CNTN4: variants seen among roughly 807,000 people sequenced by gnomAD.
CNTN4 encodes contactin-4.
Under a neutral mutation model 122.5 loss-of-function variants are expected in CNTN4, and 77 were observed. The observed-to-expected ratio is 0.63, with a 90% CI of 0.52 to 0.76. The LOEUF (loss-of-function observed/expected upper bound fraction) is 0.76. CNTN4 is among the 30% of genes least tolerant of loss of function. The pLI, the probability that CNTN4 is intolerant of heterozygous loss-of-function variation, is 0.00. For synonymous variants in CNTN4, 512 were observed against 447.0 expected (o/e 1.15, Z -1.83); for missense variants, 1,256 against 1,259.1 (o/e 1.00, Z 0.04).
chr3:2,114,098 G>A (rs764971361), intron 2 of CNTN4, among the ~76,000 whole-genome samples: 2 of 152,132 alleles, frequency 1.3e-5, no homozygotes, highest in Non-Finnish European at 2.9e-5. Context: ...TGATGGGAAA[G>A]AATTGATAAG....
At chr3:2,459,662 T>C (rs1051277651) in intron 3 of CNTN4, among the ~76,000 whole-genome samples, 1 of 152,214 alleles carries the variant, frequency 6.6e-6, no homozygotes. Context: ...AGGGGCATTC[T>C]AGAGGCGGTA....
chr3:2,388,455 T>G (rs749456240), intron 3 of CNTN4, among the ~76,000 whole-genome samples: 1 of 152,304 alleles, frequency 6.6e-6, no homozygotes. Flanking sequence ...TGCTATTAAT[T>G]ACTCGAGGAT....
At chr3:2,765,844 T>G (rs2090834074) in intron 6 of CNTN4, among the ~76,000 whole-genome samples, 1 of 152,100 alleles carries the variant, frequency 6.6e-6, no homozygotes, top group South Asian at 2.1e-4. Context: ...AAATAAATAT[T>G]TAGTGACTGT....
At chr3:2,426,991 A>T (rs564273955) in intron 3 of CNTN4, among the ~76,000 whole-genome samples, 368 of 152,136 alleles carry the variant, frequency 2.4e-3, no homozygotes, top group African/African-American at 8.7e-3. Context: ...CTAGCGGTCT[A>T]TCACTTCTGT....
rs2047793904 is a variant in CNTN4 at position 2,425,564 on chromosome 3, G to C, written c.-89+86331G>C. Among the ~76,000 whole-genome samples, 6 of 152,158 alleles carry C rather than the reference G, an allele frequency of 3.9e-5. No individual in the cohort carries two copies. The South Asian group carries it at 1.2e-3, about 32-fold the overall frequency. On this transcript the variant is annotated intron_variant, in intron 3 of 24. Coordinates refer to ENST00000418658, the MANE Select transcript of CNTN4 (RefSeq NM_175607.3). The stretch of plus-strand genomic sequence containing the variant: ...GTCTTGGCAATGTGGGCTCTTTTTT[G>C]GTTCCATATGAACTTTAAAGTAGTT...
chr3:2,842,965 C>T (rs953887794), intron 7 of CNTN4, among the ~76,000 whole-genome samples: 2 of 152,080 alleles, frequency 1.3e-5, no homozygotes, highest in African/African-American at 4.8e-5. Context: ...TACTTGCTCT[C>T]TAGTGATTTC....
intron 2 of CNTN4, among the ~76,000 whole-genome samples, chr3:2,325,254 A>G (rs1016519497): frequency 1.3e-5 from 2 of 152,210 alleles, no homozygotes; most frequent in African/African-American, 4.8e-5. Flanking sequence ...AGAGAGATTT[A>G]CAAAAATGTA....
chr3:2,247,088 A>G (rs946560572), intron 2 of CNTN4, among the ~76,000 whole-genome samples: 7 of 152,046 alleles, frequency 4.6e-5, no homozygotes, highest in African/African-American at 1.7e-4. Context: ...CTATATATTT[A>G]CACAGGTGCC....
At chr3:2,685,692 TTTG>T (rs746568614) in intron 4 of CNTN4, among the ~76,000 whole-genome samples, 6 of 152,298 alleles carry the variant, frequency 3.9e-5, no homozygotes, top group South Asian at 2.1e-4. Context: ...GTGTGTTTTT[TTTG>T]TTGTTGTTGT....
At chr3:2,271,330 G>T (rs1311193872) in intron 2 of CNTN4, among the ~76,000 whole-genome samples, 3 of 152,094 alleles carry the variant, frequency 2.0e-5, no homozygotes, top group Admixed American at 2.0e-4. Context: ...TGGATCTTCT[G>T]AAAAGTAAGA....
Position 2,816,006 on chromosome 3 carries a change from C to T in CNTN4, c.359-3480C>T, listed in dbSNP as rs751136235. 1.5e-4 allele frequency among the ~76,000 whole-genome samples: 23 copies of T among 151,730 alleles called. 1 individual carries two copies. The highest frequency in any genetic ancestry group is 2.9e-4 in the Non-Finnish European group (20 of 68,006). On this transcript the variant is annotated intron_variant, in intron 6 of 24. Coordinates refer to ENST00000418658, the MANE Select transcript of CNTN4 (RefSeq NM_175607.3). ...AACTCAGGAATGGAAAACCAAATAT[C>T]GTATGTTCTCACTGATATGTGGGAG...
chr3:2,408,218 G>C (rs939908485), intron 3 of CNTN4, among the ~76,000 whole-genome samples: 1 of 151,992 alleles, frequency 6.6e-6, no homozygotes, highest in South Asian at 2.1e-4. Context: ...ACATATCCCT[G>C]GAGACCAATT....
At chr3:2,384,263 C>T (rs559040381) in intron 3 of CNTN4, among the ~76,000 whole-genome samples, 1 of 152,096 alleles carries the variant, frequency 6.6e-6, no homozygotes, top group Non-Finnish European at 1.5e-5. Context: ...TACTGATGGA[C>T]CTGCTTAAGT....
intron 2 of CNTN4, among the ~76,000 whole-genome samples, chr3:2,108,328 CA>C (rs573782609): frequency 1.0e-3 from 153 of 152,274 alleles, no homozygotes; most frequent in African/African-American, 3.5e-3. Flanking sequence ...ATGGCTCCGT[CA>C]CCTGTACATA....
At chr3:2,500,010 GT>G (rs1326668749) in intron 3 of CNTN4, among the ~76,000 whole-genome samples, 4 of 151,982 alleles carry the variant, frequency 2.6e-5, no homozygotes, top group Non-Finnish European at 4.4e-5. Flanking sequence ...ATGGTATTAT[GT>G]TTTTAATTTT....
chr3:2,734,590 T>C (rs2088944985), intron 4 of CNTN4, among the ~76,000 whole-genome samples: 1 of 151,798 alleles, frequency 6.6e-6, no homozygotes, highest in South Asian at 2.1e-4. Flanking sequence ...AAGATAGAAT[T>C]CTGTTTGGTC....
intron 2 of CNTN4, among the ~76,000 whole-genome samples, chr3:2,331,045 T>A (rs1019105237): frequency 6.6e-6 from 1 of 152,176 alleles, no homozygotes; most frequent in African/African-American, 2.4e-5. Context: ...TTGTGCCTTT[T>A]TTTGTGATAA....
Position 2,652,006 on chromosome 3 carries a change from C to CA in CNTN4, c.55+80456dup, listed in dbSNP as rs200278182. On this transcript the variant is annotated intron_variant, in intron 4 of 24. Coordinates refer to ENST00000418658, the MANE Select transcript of CNTN4 (RefSeq NM_175607.3). ...ATAGGTGTGACCCACCGCACCTGGC[C>CA]AAAAAAAAGGTGTTGTTTTTTTTTT... 5.1e-3 allele frequency among the ~76,000 whole-genome samples: 763 copies of CA among 148,960 alleles called. 22 individuals are homozygous for CA. Among genetic ancestry groups the CA allele is most frequent in the Admixed American group, 0.047 (710 of 15,010 alleles).
intron 2 of CNTN4, among the ~76,000 whole-genome samples, chr3:2,315,223 C>T (rs1025255764): frequency 2.1e-5 from 3 of 140,538 alleles, no homozygotes; most frequent in South Asian, 2.3e-4. Flanking sequence ...TTTTTTTGCA[C>T]GCTATAATAA....
Sources: gnomAD v4.1 joint callset for allele counts (sites outside exome capture counted in the v4.1 genomes callset) on GRCh38, gnomAD v4.1.1 for gene constraint, MANE v1.5 for transcripts, NCBI Gene and HGNC (gene_info 2026-07-23, HGNC 2026-07-21) for gene names.